The following ELAVL4 variants were observed in gnomAD, a reference collection of about 807,000 sequenced individuals.
ELAVL4 encodes ELAV-like protein 4.
ELAVL4 carries 1 observed loss-of-function variant against 35.6 expected under a neutral mutation model. The ratio of observed to expected loss-of-function variants is 0.03; its 90% CI spans 0.01 to 0.13. The LOEUF (loss-of-function observed/expected upper bound fraction) is 0.13, where lower values mean the gene tolerates loss of function less well. ELAVL4 is among the 10% of genes least tolerant of loss of function. The pLI is 1.00. For missense variants in ELAVL4, 267 were observed against 464.9 expected (o/e 0.57, Z 3.91); for synonymous variants, 156 against 171.0 (o/e 0.91, Z 0.69).
chr1:50,104,222 G>A (rs1461231974), upstream of ELAVL4, among the ~76,000 whole-genome samples: 3 of 151,794 alleles, frequency 2.0e-5, no homozygotes, highest in Admixed American at 2.0e-4. Context: ...AGTCTTCCTT[G>A]GTAATCAAAA....
intron 1 of ELAVL4, among the ~76,000 whole-genome samples, chr1:50,085,319 T>C (rs1557693859): frequency 6.6e-6 from 1 of 152,164 alleles, no homozygotes; most frequent in South Asian, 2.1e-4. Flanking sequence ...TCCTTTTCCT[T>C]TGAGGTCACA....
At chr1:50,164,323 G>A (rs1677347683) in intron 2 of ELAVL4, among the ~76,000 whole-genome samples, 2 of 152,104 alleles carry the variant, frequency 1.3e-5, no homozygotes, top group South Asian at 2.1e-4. Flanking sequence ...ACATGTCTAG[G>A]CATGGGGCTC....
chr1:50,161,457 T>G (rs926055644), intron 2 of ELAVL4, among the ~76,000 whole-genome samples: 1 of 152,204 alleles, frequency 6.6e-6, no homozygotes, highest in Non-Finnish European at 1.5e-5. Flanking sequence ...ATTGTCCTAG[T>G]GCACTACTTA....
rs766364989 is a variant in ELAVL4, at chr1:50,195,790, G to A, written c.734+4G>A. Reference sequence around the variant, plus strand: ...ACCACCAGGCTCAGAGGTTCAGGTAGGCATGCCCAAAGAGGAAGAAGCCCT... The same window carrying A: ...ACCACCAGGCTCAGAGGTTCAGGTAAGCATGCCCAAAGAGGAAGAAGCCCT... On this transcript the variant is annotated splice_donor_region_variant and intron_variant, in intron 5 of 6. Transcript: ENST00000371824. The A allele has an allele frequency of 2.5e-6, 4 of 1,614,112 alleles. No homozygotes were observed. The highest frequency in any genetic ancestry group is 3.4e-6 in the Non-Finnish European group (4 of 1,179,956).
At chr1:50,161,752 G>T (rs1676845612) in intron 2 of ELAVL4, among the ~76,000 whole-genome samples, 1 of 152,160 alleles carries the variant, frequency 6.6e-6, no homozygotes, top group Non-Finnish European at 1.5e-5. Context: ...TTGAGACAGG[G>T]TCTCCCTCTG....
upstream of ELAVL4, among the ~76,000 whole-genome samples, chr1:50,108,234 AT>A (rs1457386953): frequency 3.3e-5 from 5 of 151,786 alleles, no homozygotes; most frequent in Admixed American, 2.6e-4. Flanking sequence ...TACCCCCACC[AT>A]TTTTTTTCTT....
At chr1:50,172,966 T>A (rs888961476) in intron 2 of ELAVL4, among the ~76,000 whole-genome samples, 1 of 152,186 alleles carries the variant, frequency 6.6e-6, no homozygotes, top group Admixed American at 6.5e-5. Flanking sequence ...GTCAGTTTAT[T>A]GTTGTGTCCT....
intron 1 of ELAVL4, among the ~76,000 whole-genome samples, chr1:50,112,779 C>T (rs143092438): frequency 2.0e-3 from 297 of 152,190 alleles, no homozygotes; most frequent in Non-Finnish European, 3.3e-3. Context: ...TCATTCAAGT[C>T]ATTCTCCTGG....
Position 50,109,168 on chromosome 1 carries a change from G to T in ELAVL4, c.-22G>T. ...TAACAGAAGAGTCGAAGCTCTGCGA[G>T]ACCCAATATTTGCCAATAAGAATGG... On this transcript the variant is annotated 5_prime_UTR_variant, in exon 1 of 7. Coordinates refer to ENST00000371824, the MANE Select transcript of ELAVL4 (RefSeq NM_001144774.3). 1 of 1,610,982 alleles carries T rather than the reference G, an allele frequency of 6.2e-7. No homozygotes were observed. The highest frequency in any genetic ancestry group is 8.5e-7 in the Non-Finnish European group (1 of 1,178,780).
At chr1:50,068,530 C>T (rs961811429) in intron 1 of ELAVL4, among the ~76,000 whole-genome samples, 1 of 152,170 alleles carries the variant, frequency 6.6e-6, no homozygotes, top group Non-Finnish European at 1.5e-5. Context: ...TCCACAGGGG[C>T]ACAGGAGTGG....
chr1:50,151,115 C>T lies in ELAVL4; in HGVS notation c.250+5918C>T, dbSNP rs137891707. 2.2e-3 allele frequency among the ~76,000 whole-genome samples: 341 copies of T among 152,254 alleles called. 4 individuals carry two copies. The highest frequency in any genetic ancestry group is 7.8e-3 in the African/African-American group (326 of 41,558). ...CAGGAGCAGTTGAATTACTGGCCAA[C>T]GTGACTTAGCTTCCAAGTTAAGGGA... On this transcript the variant is annotated intron_variant, in intron 2 of 6. Transcript: ENST00000371824.
chr1:50,143,666 A>G (rs1223996972), intron 1 of ELAVL4, among the ~76,000 whole-genome samples: 1 of 152,168 alleles, frequency 6.6e-6, no homozygotes, highest in Non-Finnish European at 1.5e-5. Flanking sequence ...CAAGGAGTTG[A>G]TGATCAGTTT....
intron 2 of ELAVL4, among the ~76,000 whole-genome samples, chr1:50,158,358 G>C (rs1221364773): frequency 6.6e-6 from 1 of 152,096 alleles, no homozygotes; most frequent in East Asian, 1.9e-4. Context: ...TTACTATACT[G>C]TACTAGCTTC....
chr1:50,179,691 G>T (rs1185722784), intron 3 of ELAVL4: 1 of 152,140 alleles, frequency 6.6e-6, no homozygotes, highest in Non-Finnish European at 1.5e-5. Context: ...GAGGTCTCAG[G>T]ACCATCTAGT....
intron 3 of ELAVL4, among the ~76,000 whole-genome samples, chr1:50,183,618 CG>C (rs937473533): frequency 1.2e-4 from 18 of 152,166 alleles, no homozygotes; most frequent in African/African-American, 4.3e-4. Flanking sequence ...ACAGTGCCTC[CG>C]GGGGTCTTTC....
chr1:50,190,034 G>C (rs144161982), intron 3 of ELAVL4, among the ~76,000 whole-genome samples: 211 of 152,320 alleles, frequency 1.4e-3, no homozygotes, highest in African/African-American at 5.0e-3. Context: ...AAAGTCAGCT[G>C]CTTACAGTCA....
At chr1:50,103,911 T>A, upstream of ELAVL4, 1 of 1,612,842 alleles carries the variant, frequency 6.2e-7, no homozygotes, top group Non-Finnish European at 8.5e-7. Context: ...AGAGGCTCAG[T>A]CTGACTTGGA....
At chr1:50,139,141 G>A (rs932893670) in intron 1 of ELAVL4, among the ~76,000 whole-genome samples, 4 of 152,140 alleles carry the variant, frequency 2.6e-5, no homozygotes, top group African/African-American at 9.7e-5. Context: ...GATGATATTA[G>A]TACTTTATTG....
chr1:50,115,181 T>C (rs1478436510), intron 1 of ELAVL4: 1 of 152,106 alleles, frequency 6.6e-6, no homozygotes, highest in Non-Finnish European at 1.5e-5. Context: ...GGAGCTCATA[T>C]TCAGATCCTT....
Sources: allele counts gnomAD v4.1 joint callset (sites outside exome capture counted in the v4.1 genomes callset), GRCh38; gene constraint gnomAD v4.1.1; transcripts MANE v1.5; gene names NCBI Gene and HGNC (gene_info 2026-07-23, HGNC 2026-07-21).